Variants in ANGEL2 observed in about 807,000 individuals in gnomAD.
ANGEL2 encodes angel homolog 2.
In ANGEL2, 41 loss-of-function variants were observed where a neutral mutation model predicts 66.0. The ratio of observed to expected loss-of-function variants is 0.62; its 90% CI spans 0.48 to 0.81. The LOEUF is 0.81. Ranked by LOEUF, ANGEL2 falls within the 30% of genes least tolerant of loss-of-function variation. The probability of loss-of-function intolerance (pLI) is 0.00; values close to 1 mark genes in which losing one functional copy is unlikely to be tolerated. For missense variants in ANGEL2, 561 were observed against 641.6 expected, an observed-to-expected ratio of 0.87 and a Z score of 1.36; for synonymous variants, 208 against 226.5, an observed-to-expected ratio of 0.92 and a Z score of 0.73.
Position 212,996,622 on chromosome 1 carries a change from C to CAAAAAAA in ANGEL2, c.1483+532_1483+533insTTTTTTT, listed in dbSNP as rs1558167053. On this transcript the variant is annotated intron_variant, in intron 8 of 8. Transcript: ENST00000366962. ...TGGGTAACAGAGCGAGACTCTGTAT[C>CAAAAAAA]CAAAAAAAAAAAAAAAAAATATATA... 7.9e-4 allele frequency among the ~76,000 whole-genome samples: 18 copies of CAAAAAAA among 22,712 alleles called. 2 individuals are homozygous for CAAAAAAA. Among genetic ancestry groups the CAAAAAAA allele is most frequent in the African/African-American group, 1.1e-3 (9 of 7,960 alleles). 14.9% of individuals were successfully genotyped at this position (22,712 alleles called of 152,430 possible).
chr1:213,008,039 G>T (rs3124666), intron 3 of ANGEL2, among the ~76,000 whole-genome samples, 171 bp downstream of exon 3: 151,609 of 152,034 alleles, frequency 1, 75,593 homozygotes, highest in Middle Eastern at 1. Context: ...AATTTTGTAT[G>T]TTTTAGTAGA....
chr1:212,996,514 C>T (rs376980659), intron 8 of ANGEL2, among the ~76,000 whole-genome samples: 9 of 148,174 alleles, frequency 6.1e-5, no homozygotes, highest in Admixed American at 6.8e-5. Flanking sequence ...CTTAGCTACT[C>T]GGGAAGCTGA....
rs1369264775 is a variant in ANGEL2, at chr1:213,005,213, A to G, written c.954T>C (p.Gly318=). ...NTHLLYNPRR[G]DIKLTQLAML... ...TTGCCAATTGCGTCAGCTTAATATC[A>G]CCTCGCCTTGGATTATACAACAGAT... The change falls in exon 5 of 9, where the codon GGT becomes GGC. Residue 318 remains glycine, a synonymous_variant. Coordinates refer to ENST00000366962, the MANE Select transcript of ANGEL2 (RefSeq NM_144567.5). 1 of 1,614,178 alleles carries G rather than the reference A, an allele frequency of 6.2e-7. No homozygotes were observed. Among genetic ancestry groups the G allele is most frequent in the East Asian group, 2.2e-5 (1 of 44,888 alleles).
intron 5 of ANGEL2, among the ~76,000 whole-genome samples, chr1:213,004,672 A>T (rs572814386): frequency 3.0e-4 from 45 of 152,190 alleles, no homozygotes; most frequent in African/African-American, 9.6e-4. Context: ...GTTCGAGACC[A>T]GCCTGGTCAA....
At chr1:212,996,640 A>AAAAATATATATATATATAT (rs56102625) in intron 8 of ANGEL2, among the ~76,000 whole-genome samples, 1 of 66,484 alleles carries the variant, frequency 1.5e-5, no homozygotes, top group East Asian at 5.7e-4. Context: ...AAAAAAAAAA[A>AAAAATATATATATATATAT]ATATATATAT....
In ANGEL2 at chr1:213,005,251, C is replaced by T. The variant is rs755603082; in HGVS notation, c.916G>A (p.Val306Ile). Residue 306 changes from valine to isoleucine, a missense_variant, in exon 5 of 9, where the codon GTA becomes ATA. Transcript: ENST00000366962. ...TTATACAACAGATGCGTATTTGCTACGCAGATTGCAGGGCAGGCAGCATAT... is the reference window on the plus strand; with the variant it reads ...TTATACAACAGATGCGTATTTGCTATGCAGATTGCAGGGCAGGCAGCATAT... ...IPYAACPAICVANTHLLYNPR... is the reference protein window; with the variant it reads ...IPYAACPAICIANTHLLYNPR... 39 of 1,614,086 alleles carry T rather than the reference C, an allele frequency of 2.4e-5. No homozygotes were observed. Among genetic ancestry groups the T allele is most frequent in the South Asian group, 1.2e-4 (11 of 91,090 alleles).
At chr1:213,011,328 C>T in intron 2 of ANGEL2, 2 of 1,248,360 alleles carry the variant, frequency 1.6e-6, no homozygotes, top group East Asian at 5.8e-5. Flanking sequence ...TTGTATCACA[C>T]AAATCCTTCA....
intron 1 of ANGEL2, among the ~76,000 whole-genome samples, chr1:213,013,776 T>C (rs117045148): frequency 1.3e-5 from 2 of 152,192 alleles, no homozygotes; most frequent in South Asian, 2.1e-4. Flanking sequence ...GAAAATAAAA[T>C]ACACAACAAG....
chr1:213,004,208 A>T lies in ANGEL2; in HGVS notation c.1134+825T>A, dbSNP rs191276305. On this transcript the variant is annotated intron_variant, in intron 5 of 8. Coordinates refer to ENST00000366962, the MANE Select transcript of ANGEL2 (RefSeq NM_144567.5). The stretch of plus-strand genomic sequence containing the variant: ...AGAGCAAGACTCCATCTCAAAAAAA[A>T]AAATAAATAATTTTAAACTATTACT... Among the ~76,000 whole-genome samples, 841 of 152,292 alleles carry T rather than the reference A, an allele frequency of 5.5e-3. 4 individuals carry two copies. The highest frequency in any genetic ancestry group is 8.4e-3 in the Admixed American group (129 of 15,288).
chr1:213,001,711 A>G (rs1197920495), intron 5 of ANGEL2: 1 of 152,136 alleles, frequency 6.6e-6, no homozygotes, highest in Non-Finnish European at 1.5e-5. Flanking sequence ...TGTTTTATCA[A>G]TTAAATTTAT....
Position 213,013,074 on chromosome 1 carries a change from A to G in ANGEL2, c.385+19T>C. The G allele has an allele frequency of 6.2e-7, 1 of 1,603,230 alleles. No individual in the cohort carries two copies. The highest frequency in any genetic ancestry group is 1.1e-5 in the South Asian group (1 of 89,550). On this transcript the variant is annotated intron_variant, in intron 2 of 8. Coordinates refer to ENST00000366962, the MANE Select transcript of ANGEL2 (RefSeq NM_144567.5). ...ATCACTTGTATCTATTTCTACACCA[A>G]GATAAATGTCACCTTTACCTTGGTG...
Position 213,015,629 on chromosome 1 carries a change from C to T in ANGEL2, c.43G>A (p.Val15Met). 1 of 1,614,116 alleles carries T rather than the reference C, an allele frequency of 6.2e-7. No homozygotes were observed. Among genetic ancestry groups the T allele is most frequent in the East Asian group, 2.2e-5 (1 of 44,848 alleles). The change falls in exon 1 of 9, where the codon GTG becomes ATG. Residue 15 changes from valine to methionine, a missense_variant. Val to Met is a conservative substitution (Grantham distance 21, BLOSUM62 1). Coordinates refer to ENST00000366962, the MANE Select transcript of ANGEL2 (RefSeq NM_144567.5). The part of the protein sequence containing the change: ...RCVRKGYGHC[V>M]VGRGRYPMFP... ...CCTACTGACCGGCCTCTTCCCACCACACAGTGGCCGTAGCCCTTCCTCACA... is the reference window on the plus strand; with the variant it reads ...CCTACTGACCGGCCTCTTCCCACCATACAGTGGCCGTAGCCCTTCCTCACA...
At chr1:213,000,730 C>A in intron 6 of ANGEL2, 56 bp downstream of exon 6, 1 of 1,538,744 alleles carries the variant, frequency 6.5e-7, no homozygotes, top group South Asian at 1.3e-5. Flanking sequence ...AGTTTTATGT[C>A]TTCAAAGGGA....
In ANGEL2 at chr1:213,005,585, T is replaced by C. The variant is rs2076302671; in HGVS notation, c.713-131A>G. 3 of 1,013,052 alleles carry C rather than the reference T, an allele frequency of 3.0e-6. No homozygotes were observed. In the East Asian group the frequency reaches 7.7e-5, roughly 26 times the overall value. 62.8% of individuals were successfully genotyped at this position (1,013,052 alleles called of 1,614,324 possible). A position where few individuals can be genotyped will look rare whatever the true frequency, so the allele number is the denominator to read the frequency against. ...AAACATTAGTAATGTAGGATGTCAATAAACATTGGAATAAAAAACGTTTGA... is the reference window on the plus strand; with the variant it reads ...AAACATTAGTAATGTAGGATGTCAACAAACATTGGAATAAAAAACGTTTGA... On this transcript the variant is annotated intron_variant, in intron 4 of 8. Coordinates refer to ENST00000366962, the MANE Select transcript of ANGEL2 (RefSeq NM_144567.5).
chr1:212,996,640 A>AAAATATATAT (rs56102625), intron 8 of ANGEL2, among the ~76,000 whole-genome samples: 2 of 66,484 alleles, frequency 3.0e-5, no homozygotes, highest in African/African-American at 1.4e-4. Context: ...AAAAAAAAAA[A>AAAATATATAT]ATATATATAT....
At position 212,993,745 on chromosome 1, in the gene ANGEL2, C is replaced by T. The variant is rs370848739; in HGVS notation, c.*1296G>A. 5.9e-5 allele frequency: 9 copies of T among 152,258 alleles called. No individual in the cohort carries two copies. The East Asian group carries it at 1.3e-3, about 23-fold the overall frequency. 9.4% of individuals were successfully genotyped at this position (152,258 alleles called of 1,614,324 possible). On this transcript the variant is annotated 3_prime_UTR_variant, in exon 9 of 9. Coordinates refer to ENST00000366962, the MANE Select transcript of ANGEL2 (RefSeq NM_144567.5). Reference sequence around the variant, plus strand: ...ACTGGTGCATCACGGTAAAAGAAAACATTTTAGAAACAAAACCACTAAAAC... The same window carrying T: ...ACTGGTGCATCACGGTAAAAGAAAATATTTTAGAAACAAAACCACTAAAAC...
chr1:213,004,827 C>T (rs986990379), intron 5 of ANGEL2, among the ~76,000 whole-genome samples: 3 of 125,916 alleles, frequency 2.4e-5, no homozygotes, highest in African/African-American at 6.1e-5. Context: ...GAGATCATGA[C>T]ACTGCACTCC....
chr1:213,013,239 G>A lies in ANGEL2; in HGVS notation c.239C>T (p.Pro80Leu). 6.2e-7 allele frequency: 1 copy of A among 1,614,106 alleles called. No individual in the cohort carries two copies. Among genetic ancestry groups the A allele is most frequent in the Non-Finnish European group, 8.5e-7 (1 of 1,180,016 alleles). The change falls in exon 2 of 9, where the codon CCA becomes CTA. Residue 80 changes from proline to leucine, a missense_variant. By Grantham distance (98) the Pro-to-Leu change is moderately conservative. Transcript: ENST00000366962. Reference sequence around the variant, plus strand: ...AGTTCTAGACTCAAACAAACAGGGTGGTCTCCAATTTAGTGAAAAATGCCT... The same window carrying A: ...AGTTCTAGACTCAAACAAACAGGGTAGTCTCCAATTTAGTGAAAAATGCCT... ...SSRHFSLNWR[P>L]PCLFESRTQF...
Position 213,005,171 on chromosome 1 carries a change from A to G in ANGEL2, c.996T>C (p.Ile332=). Residue 332 remains isoleucine (I), a synonymous_variant, in exon 5 of 9, where the codon ATT becomes ATC. Transcript: ENST00000366962. Reference sequence around the variant, plus strand: ...CATCTTTCTGGTGGGCAACACTGGAAATCTCTGCCAGTAGCATTGCCAATT... The same window carrying G: ...CATCTTTCTGGTGGGCAACACTGGAGATCTCTGCCAGTAGCATTGCCAATT... The part of the protein sequence containing the change: ...LTQLAMLLAE[I]SSVAHQKDGS... 1.9e-6 allele frequency: 3 copies of G among 1,614,256 alleles called. No homozygotes were observed. Among genetic ancestry groups the G allele is most frequent in the Non-Finnish European group, 2.5e-6 (3 of 1,180,042 alleles).
Sources: allele counts gnomAD v4.1 joint callset (sites outside exome capture counted in the v4.1 genomes callset), GRCh38; gene constraint gnomAD v4.1.1; transcripts MANE v1.5; gene names NCBI Gene and HGNC (gene_info 2026-07-23, HGNC 2026-07-21).